Variants in TMPRSS15 observed in about 807,000 individuals in gnomAD.
TMPRSS15 encodes transmembrane serine protease 15.
Under a neutral mutation model 125.3 loss-of-function variants are expected in TMPRSS15, and 128 were observed. The ratio of observed to expected loss-of-function variants is 1.02; its 90% confidence interval spans 0.89 to 1.18. The LOEUF (loss-of-function observed/expected upper bound fraction) is 1.18. TMPRSS15 is among the 50% of genes most tolerant of loss of function. The pLI is 0.00. For synonymous variants in TMPRSS15, 446 were observed against 423.2 expected (o/e 1.05, Z -0.66); for missense variants, 1,283 against 1,212.7 (o/e 1.06, Z -0.86).
chr21:18,378,497 T>C (rs1051140671), intron 5 of TMPRSS15, among the ~76,000 whole-genome samples: 9 of 152,150 alleles, frequency 5.9e-5, no homozygotes, highest in African/African-American at 2.2e-4. Flanking sequence ...CCAACAATTT[T>C]TATGCAAGAA....
Position 18,365,202 on chromosome 21 carries a change from A to G in TMPRSS15, c.711T>C (p.Ser237=). The G allele has an allele frequency of 6.2e-7, 1 of 1,614,172 alleles. No homozygotes were observed. Among genetic ancestry groups the G allele is most frequent in the Non-Finnish European group, 8.5e-7 (1 of 1,180,024 alleles). Residue 237 remains serine (S), a synonymous_variant, in exon 7 of 25, where the codon TCT becomes TCC. Transcript: ENST00000284885. ...GRFLLTGSSG[S]FQATHYPKPS... Reference sequence around the variant, plus strand: ...GTTTTGGATAATGAGTAGCCTGGAAAGACCCAGATGATCCAGTTAACAAAA... The same window carrying G: ...GTTTTGGATAATGAGTAGCCTGGAAGGACCCAGATGATCCAGTTAACAAAA...
In TMPRSS15 at chr21:18,297,789, C is replaced by T. The variant is rs766389999; in HGVS notation, c.2206G>A (p.Gly736Arg). 33 of 1,613,596 alleles carry T rather than the reference C, an allele frequency of 2.0e-5. No individual in the cohort carries two copies. The Admixed American group carries it at 3.0e-4, about 15-fold the overall frequency. ...SSKPIFPTDG[G>R]PFVKLNTAPD... ...GCTGTGTTTAATTTGACAAATGGTC[C>T]ACCATCGGTAGGGAAGATTGGCTTT... The change falls in exon 19 of 25, where the codon GGA becomes AGA. Residue 736 changes from glycine to arginine, a missense_variant. Gly to Arg is a moderately radical substitution (Grantham distance 125, BLOSUM62 -2). Transcript: ENST00000284885.
intron 19 of TMPRSS15, among the ~76,000 whole-genome samples, chr21:18,296,751 A>C (rs1324389652): frequency 2.0e-5 from 3 of 152,226 alleles, no homozygotes; most frequent in Admixed American, 6.5e-5. Flanking sequence ...GAAATCTAGA[A>C]GCCTGCTTTC....
intron 3 of TMPRSS15, among the ~76,000 whole-genome samples, chr21:18,391,243 T>G (rs1378962779): frequency 3.3e-5 from 5 of 152,322 alleles, no homozygotes. Flanking sequence ...ATTTCAGCAT[T>G]AATTCAAAAG....
At position 18,345,740 on chromosome 21, in the gene TMPRSS15, C is replaced by CAAAAAAAAAAAAAAAAAA. The variant is rs1235619873; in HGVS notation, c.1172-1698_1172-1681dup. Among the ~76,000 whole-genome samples, 48 of 15,552 alleles carry CAAAAAAAAAAAAAAAAAA rather than the reference C, an allele frequency of 3.1e-3. 6 individuals carry two copies. The highest frequency in any genetic ancestry group is 6.8e-3 in the African/African-American group (42 of 6,144). 10.2% of individuals were successfully genotyped at this position (15,552 alleles called of 152,430 possible). On this transcript the variant is annotated intron_variant, in intron 10 of 24. Transcript: ENST00000284885. Reference sequence around the variant, plus strand: ...TAGGCGACAGAGTGAGACTCCGTCTCAAAAAAAAAAAAAAAAAAAAAATCC... The same window carrying CAAAAAAAAAAAAAAAAAA: ...TAGGCGACAGAGTGAGACTCCGTCTCAAAAAAAAAAAAAAAAAAAAAAAAAAAAAAAAAAAAAAAATCC...
At chr21:18,330,133 C>A (rs1237767784) in intron 14 of TMPRSS15, among the ~76,000 whole-genome samples, 2 of 152,154 alleles carry the variant, frequency 1.3e-5, no homozygotes, top group Admixed American at 1.3e-4. Context: ...GAAACCTCAG[C>A]ACCTTCCTTG....
Position 18,363,372 on chromosome 21 carries a change from A to G in TMPRSS15, c.773+1768T>C, listed in dbSNP as rs74790642. Among the ~76,000 whole-genome samples, 5 of 152,256 alleles carry G rather than the reference A, an allele frequency of 3.3e-5. No individual in the cohort carries two copies. In the East Asian group the frequency reaches 9.6e-4, roughly 29 times the overall value. On this transcript the variant is annotated intron_variant, in intron 7 of 24. Transcript: ENST00000284885. ...TAGGGCCATAACATTTTTAATTAAT[A>G]TAGGATAATTTTTGCGTAAAGGACA...
At chr21:18,331,987 T>C (rs1467778783) in intron 14 of TMPRSS15, 97 bp downstream of exon 14, 10 of 1,040,650 alleles carry the variant, frequency 9.6e-6, no homozygotes, top group Non-Finnish European at 1.4e-5. Flanking sequence ...GGCGTACCCA[T>C]GTTTGACAAA....
intron 1 of TMPRSS15, among the ~76,000 whole-genome samples, chr21:18,432,412 C>G (rs13049724): frequency 6.6e-6 from 1 of 151,964 alleles, no homozygotes; most frequent in Non-Finnish European, 1.5e-5. Flanking sequence ...ATGTTGAAGT[C>G]CTAAATCTCA....
Position 18,270,023 on chromosome 21 carries a change from T to C in TMPRSS15, c.3006A>G (p.Gly1002=), listed in dbSNP as rs565147994. 1.9e-6 allele frequency: 3 copies of C among 1,613,954 alleles called. No individual in the cohort carries two copies. The highest frequency in any genetic ancestry group is 1.7e-6 in the Non-Finnish European group (2 of 1,179,894). Residue 1002 remains glycine (G), a synonymous_variant, in exon 25 of 25, where the codon GGA becomes GGG. Coordinates refer to ENST00000284885, the MANE Select transcript of TMPRSS15 (RefSeq NM_002772.3). ...GYKCALPNRP[G]VYARVSRFTE... The stretch of plus-strand genomic sequence containing the variant: ...TAAACCTTGAGACCCTGGCATACAC[T>C]CCGGGGCGATTAGGCAGGGCACACT...
chr21:18,301,632 T>C (rs1348479179), intron 18 of TMPRSS15, among the ~76,000 whole-genome samples: 2 of 152,214 alleles, frequency 1.3e-5, no homozygotes, highest in Non-Finnish European at 2.9e-5. Flanking sequence ...AACTAGACTG[T>C]ACATTTTCTA....
intron 16 of TMPRSS15, among the ~76,000 whole-genome samples, chr21:18,319,062 G>T (rs562268609): frequency 7.7e-4 from 117 of 152,220 alleles, no homozygotes; most frequent in Middle Eastern, 3.4e-3. Flanking sequence ...ATAATTGGCT[G>T]ACGGTAATTC....
intron 1 of TMPRSS15, among the ~76,000 whole-genome samples, chr21:18,437,456 A>G (rs2076230413): frequency 6.6e-6 from 1 of 152,228 alleles, no homozygotes; most frequent in African/African-American, 2.4e-5. Flanking sequence ...AATGGTAACA[A>G]AAGCCAAAAT....
At chr21:18,478,023 C>T (rs1227059869) in intron 1 of TMPRSS15, among the ~76,000 whole-genome samples, 1 of 151,996 alleles carries the variant, frequency 6.6e-6, no homozygotes, top group Non-Finnish European at 1.5e-5. Flanking sequence ...GAATGGAATA[C>T]ATAAAAGTCA....
chr21:18,301,755 G>T (rs765170044), intron 18 of TMPRSS15, among the ~76,000 whole-genome samples: 2 of 152,094 alleles, frequency 1.3e-5, no homozygotes, highest in Non-Finnish European at 2.9e-5. Context: ...GCATTACCTT[G>T]TTGACATACT....
intron 10 of TMPRSS15, among the ~76,000 whole-genome samples, chr21:18,347,045 T>C (rs1023822466): frequency 7.2e-5 from 11 of 152,202 alleles, no homozygotes; most frequent in Admixed American, 7.2e-4. Context: ...TTGTGTCTTC[T>C]TTTTTCTCTT....
At chr21:18,288,574 T>C (rs2074794713) in intron 21 of TMPRSS15, among the ~76,000 whole-genome samples, 1 of 138,414 alleles carries the variant, frequency 7.2e-6, no homozygotes, top group Non-Finnish European at 1.5e-5. Context: ...GTTGTGTTGC[T>C]CTGTCTCCCA....
intron 18 of TMPRSS15, among the ~76,000 whole-genome samples, chr21:18,305,229 C>T (rs2075021366): frequency 8.2e-6 from 1 of 122,152 alleles, no homozygotes; most frequent in African/African-American, 3.1e-5. Context: ...CCCTCTGTCG[C>T]CCAGGCTGGA....
chr21:18,383,303 C>T (rs1431484631), intron 4 of TMPRSS15, among the ~76,000 whole-genome samples: 1 of 135,516 alleles, frequency 7.4e-6, no homozygotes, highest in African/African-American at 2.8e-5. Flanking sequence ...TCAGAATCTC[C>T]TTGGAATGCA....
Sources: allele counts gnomAD v4.1 joint callset (sites outside exome capture counted in the v4.1 genomes callset), GRCh38; gene constraint gnomAD v4.1.1; transcripts MANE v1.5; gene names NCBI Gene and HGNC (gene_info 2026-07-23, HGNC 2026-07-21).